Variants in PBX1 observed in about 807,000 individuals in gnomAD.
PBX1 encodes the protein pre-B-cell leukemia transcription factor 1.
In PBX1, 6 loss-of-function variants were observed where a neutral mutation model predicts 53.4. The ratio of observed to expected loss-of-function variants is 0.11; its 90% confidence interval spans 0.06 to 0.22. The LOEUF is 0.22. PBX1 is among the 10% of genes least tolerant of loss of function. PBX1 has a pLI of 1.00. For synonymous variants in PBX1, 204 were observed against 212.3 expected, an observed-to-expected ratio of 0.96 and a Z score of 0.34; for missense variants, 251 against 551.4, an observed-to-expected ratio of 0.46 and a Z score of 5.46.
intron 2 of PBX1, among the ~76,000 whole-genome samples, chr1:164,783,808 G>A (rs1269511252): frequency 6.6e-6 from 1 of 152,124 alleles, no homozygotes; most frequent in Admixed American, 6.5e-5. Context: ...TTAAAATGTG[G>A]TAGGACAAGG....
At chr1:164,665,949 T>C (rs1216050704) in intron 2 of PBX1, among the ~76,000 whole-genome samples, 1 of 152,180 alleles carries the variant, frequency 6.6e-6, no homozygotes, top group Non-Finnish European at 1.5e-5. Context: ...GGCTTGGCCT[T>C]GAGAAGATGG....
chr1:164,836,705 GT>G (rs1671057543), intron 8 of PBX1, among the ~76,000 whole-genome samples: 1 of 152,086 alleles, frequency 6.6e-6, no homozygotes, highest in African/African-American at 2.4e-5. Flanking sequence ...CAACCCTTCT[GT>G]TAGCTGTAAT....
intron 2 of PBX1, among the ~76,000 whole-genome samples, chr1:164,865,736 A>G (rs1672201143): frequency 6.6e-6 from 1 of 152,034 alleles, no homozygotes; most frequent in Non-Finnish European, 1.5e-5. Context: ...CTCATACTTA[A>G]TTTTTTTCCA....
chr1:164,806,270 T>G (rs1406225429), intron 4 of PBX1, among the ~76,000 whole-genome samples: 1 of 151,346 alleles, frequency 6.6e-6, no homozygotes, highest in Non-Finnish European at 1.5e-5. Flanking sequence ...CAATTAGCAC[T>G]TTTTTTTTAA....
intron 2 of PBX1, among the ~76,000 whole-genome samples, chr1:164,596,862 T>C (rs1245835167): frequency 6.6e-6 from 1 of 152,074 alleles, no homozygotes; most frequent in African/African-American, 2.4e-5. Context: ...TGTTCAGTGT[T>C]TTCTAAATTA....
intron 2 of PBX1, among the ~76,000 whole-genome samples, chr1:164,661,312 T>A (rs1181009994): frequency 6.6e-6 from 1 of 152,198 alleles, no homozygotes; most frequent in Non-Finnish European, 1.5e-5. Flanking sequence ...GGACATGCCA[T>A]CTGGCATGAG....
At position 164,848,160 on chromosome 1, in the gene PBX1, T is replaced by C; in HGVS notation, c.*1484T>C. 4 of 1,050,104 alleles carry C rather than the reference T, an allele frequency of 3.8e-6. No individual in the cohort carries two copies. Among genetic ancestry groups the C allele is most frequent in the Non-Finnish European group, 4.6e-6 (4 of 869,750 alleles). 65.0% of individuals were successfully genotyped at this position (1,050,104 alleles called of 1,614,324 possible). ...GAAGGTAATGTTTTCATTGAAATCA[T>C]CACAGTGATTTTTATTCCCTGGGAA... is the stretch of plus-strand genomic sequence containing the variant. On this transcript the variant is annotated 3_prime_UTR_variant, in exon 9 of 9. Transcript: ENST00000420696.
intron 2 of PBX1, among the ~76,000 whole-genome samples, chr1:164,575,193 G>A (rs1375122949): frequency 6.6e-6 from 1 of 152,202 alleles, no homozygotes. Flanking sequence ...AGTTCATATG[G>A]TAGAGCCCAG....
At chr1:164,651,094 A>C (rs1659785723) in intron 2 of PBX1, among the ~76,000 whole-genome samples, 1 of 152,200 alleles carries the variant, frequency 6.6e-6, no homozygotes, top group Non-Finnish European at 1.5e-5. Flanking sequence ...GAGGGTGATG[A>C]ATTCGGTTTC....
At chr1:164,761,140 A>G (rs1267794934) in intron 2 of PBX1, among the ~76,000 whole-genome samples, 1 of 152,216 alleles carries the variant, frequency 6.6e-6, no homozygotes, top group African/African-American at 2.4e-5. Context: ...CCTTAAAAGT[A>G]CTGTCCCCTC....
intron 2 of PBX1, among the ~76,000 whole-genome samples, chr1:164,691,474 G>C (rs1383531064): frequency 6.6e-6 from 1 of 152,122 alleles, no homozygotes; most frequent in Non-Finnish European, 1.5e-5. Flanking sequence ...CTGTGTTTTA[G>C]AGTGTTCTAA....
intron 4 of PBX1, among the ~76,000 whole-genome samples, chr1:164,804,032 T>C (rs1196271424): frequency 6.6e-6 from 1 of 152,188 alleles, no homozygotes; most frequent in Non-Finnish European, 1.5e-5. Context: ...TATGATATAT[T>C]ATTGTACATT....
intron 4 of PBX1, among the ~76,000 whole-genome samples, chr1:164,804,979 G>T (rs992727904): frequency 4.6e-5 from 7 of 152,144 alleles, no homozygotes; most frequent in Non-Finnish European, 8.8e-5. Flanking sequence ...TGGGCCAATG[G>T]CTCTTAGCAG....
At chr1:164,765,929 A>G (rs1220188316) in intron 2 of PBX1, among the ~76,000 whole-genome samples, 1 of 152,232 alleles carries the variant, frequency 6.6e-6, no homozygotes. Flanking sequence ...CCTTGTTTGA[A>G]TAAATTAAAA....
chr1:164,738,525 C>T (rs887532566), intron 2 of PBX1, among the ~76,000 whole-genome samples: 1 of 152,166 alleles, frequency 6.6e-6, no homozygotes, highest in Non-Finnish European at 1.5e-5. Flanking sequence ...CCCCAGACCT[C>T]ATGCAATTCT....
intron 4 of PBX1, among the ~76,000 whole-genome samples, chr1:164,802,940 A>T (rs1669157036): frequency 6.6e-6 from 1 of 152,182 alleles, no homozygotes; most frequent in Non-Finnish European, 1.5e-5. Flanking sequence ...CATTAATCTT[A>T]ACTGTTTTTC....
chr1:164,706,840 C>G (rs903734069), intron 2 of PBX1, among the ~76,000 whole-genome samples: 1 of 152,342 alleles, frequency 6.6e-6, no homozygotes, highest in African/African-American at 2.4e-5. Flanking sequence ...CAAAGTCCCA[C>G]TTCCAGGTAC....
In PBX1 at chr1:164,846,965, C is replaced by T. The variant is rs375939144; in HGVS notation, c.*289C>T. On this transcript the variant is annotated 3_prime_UTR_variant, in exon 9 of 9. Transcript: ENST00000420696. ...CCCCTGTGCCTCTGTCCTAGACTCC[C>T]GGGGTCCCCGCCCTCTCTCATATCA... 2.2e-5 allele frequency: 27 copies of T among 1,254,986 alleles called. No homozygotes were observed. The highest frequency in any genetic ancestry group is 6.1e-5 in the South Asian group (2 of 32,782). The allele number at this position is 1,254,986 out of a possible 1,614,324, so 77.7% of individuals were successfully genotyped here.
chr1:164,609,415 G>C (rs2800788), intron 2 of PBX1, among the ~76,000 whole-genome samples: 63,326 of 151,840 alleles, frequency 0.42, 13,970 homozygotes, highest in East Asian at 0.51. Flanking sequence ...TGAGGGGATA[G>C]ATGGCATGGC....
Sources: gnomAD v4.1 joint callset for allele counts (sites outside exome capture counted in the v4.1 genomes callset) on GRCh38, gnomAD v4.1.1 for gene constraint, MANE v1.5 for transcripts, NCBI Gene and HGNC (gene_info 2026-07-23, HGNC 2026-07-21) for gene names.